Variants in GRIN2A observed in about 807,000 individuals in gnomAD.
GRIN2A encodes the protein glutamate ionotropic receptor NMDA type subunit 2A, also known as glutamate receptor ionotropic, NMDA 2A.
A neutral mutation model predicts 113.4 loss-of-function variants in GRIN2A; 22 were observed. The ratio of observed to expected loss-of-function variants is 0.19; its 90% CI spans 0.14 to 0.28. GRIN2A has a LOEUF of 0.28. Among genes scored for constraint, GRIN2A ranks in the 10% least tolerant of loss-of-function variants. GRIN2A has a pLI of 1.00. For missense variants in GRIN2A, 1,502 were observed against 1,887.0 expected, an observed-to-expected ratio of 0.80 and a Z score of 3.78; for synonymous variants, 827 against 738.4, an observed-to-expected ratio of 1.12 and a Z score of -1.94.
At chr16:10,070,039 T>C (rs1226879395) in intron 2 of GRIN2A, among the ~76,000 whole-genome samples, 1 of 152,136 alleles carries the variant, frequency 6.6e-6, no homozygotes, top group African/African-American at 2.4e-5. Flanking sequence ...ATGACAATGT[T>C]CCCCACTCCA....
chr16:9,809,445 T>C (rs1596448344), intron 10 of GRIN2A, among the ~76,000 whole-genome samples: 1 of 151,682 alleles, frequency 6.6e-6, no homozygotes, highest in Admixed American at 6.6e-5. Flanking sequence ...AACAAAAACA[T>C]ATGCAAATGC....
At chr16:10,077,908 G>A (rs529868339) in intron 2 of GRIN2A, among the ~76,000 whole-genome samples, 38 of 152,168 alleles carry the variant, frequency 2.5e-4, no homozygotes, top group African/African-American at 8.9e-4. Flanking sequence ...TATCTCTGAC[G>A]TTTCTTGTCT....
At chr16:9,912,810 G>A (rs1017182417) in intron 3 of GRIN2A, among the ~76,000 whole-genome samples, 2 of 152,232 alleles carry the variant, frequency 1.3e-5, no homozygotes, top group African/African-American at 4.8e-5. Flanking sequence ...AATGATCTGA[G>A]CCAAGGAACA....
chr16:10,080,809 A>G (rs1425686257), intron 2 of GRIN2A, among the ~76,000 whole-genome samples: 1 of 152,160 alleles, frequency 6.6e-6, no homozygotes, highest in Non-Finnish European at 1.5e-5. Flanking sequence ...GCCCTGTCAT[A>G]TGACTGTCCC....
chr16:9,833,612 A>G (rs185771814), intron 8 of GRIN2A, among the ~76,000 whole-genome samples: 1 of 152,288 alleles, frequency 6.6e-6, no homozygotes, highest in Admixed American at 6.5e-5. Context: ...AAAATATTTC[A>G]TTTTGTTTTA....
At chr16:10,156,426 G>A (rs2049695437) in intron 2 of GRIN2A, among the ~76,000 whole-genome samples, 1 of 152,264 alleles carries the variant, frequency 6.6e-6, no homozygotes, top group South Asian at 2.1e-4. Context: ...GTTTGACAGA[G>A]GCAGTGTGGC....
chr16:9,834,112 T>C lies in GRIN2A; in HGVS notation c.1770A>G (p.Lys590=). The C allele has an allele frequency of 1.9e-6, 3 of 1,613,674 alleles. No individual in the cohort carries two copies. Among genetic ancestry groups the C allele is most frequent in the Non-Finnish European group, 2.5e-6 (3 of 1,179,540 alleles). The change falls in exon 8 of 13, where the codon AAA becomes AAG. Residue 590 remains lysine, a synonymous_variant. Transcript: ENST00000330684. ...TCATGAAGGTACCCTTACCTTTCCC[T>C]TTGGCTAAGTTTCTGTTGTATCCAA... is the stretch of plus-strand genomic sequence containing the variant. ...SPVGYNRNLA[K]GKAPHGPSFT...
At chr16:9,809,920 T>C (rs2042054259) in intron 10 of GRIN2A, among the ~76,000 whole-genome samples, 1 of 152,014 alleles carries the variant, frequency 6.6e-6, no homozygotes, top group African/African-American at 2.4e-5. Flanking sequence ...GTACAAAAAT[T>C]AGCTGGGCAT....
intron 2 of GRIN2A, among the ~76,000 whole-genome samples, chr16:10,078,077 G>A (rs1437824791): frequency 3.9e-5 from 6 of 152,204 alleles, no homozygotes. Context: ...ACAGGTATAT[G>A]CCTACATCAG....
At chr16:10,069,132 G>T (rs2047704881) in intron 2 of GRIN2A, among the ~76,000 whole-genome samples, 1 of 152,078 alleles carries the variant, frequency 6.6e-6, no homozygotes, top group African/African-American at 2.4e-5. Flanking sequence ...AATTTACCCT[G>T]GCTGCAAAGG....
chr16:10,012,353 T>G (rs2046522265), intron 2 of GRIN2A, among the ~76,000 whole-genome samples: 1 of 152,192 alleles, frequency 6.6e-6, no homozygotes, highest in Admixed American at 6.5e-5. Flanking sequence ...CTCAAAGGGT[T>G]GTATTAATGC....
intron 2 of GRIN2A, among the ~76,000 whole-genome samples, chr16:10,011,532 A>G (rs2046505356): frequency 6.6e-6 from 1 of 152,202 alleles, no homozygotes; most frequent in Non-Finnish European, 1.5e-5. Context: ...ACACAGGAGG[A>G]AAAACACAAG....
chr16:10,098,933 T>G (rs1188885288), intron 2 of GRIN2A, among the ~76,000 whole-genome samples: 2 of 106,222 alleles, frequency 1.9e-5, no homozygotes, highest in South Asian at 3.3e-4. Context: ...CTGTCCCCCC[T>G]CCCCCCCCCA....
intron 4 of GRIN2A, among the ~76,000 whole-genome samples, chr16:9,853,497 C>T (rs1261461248): frequency 6.6e-6 from 1 of 152,184 alleles, no homozygotes; most frequent in African/African-American, 2.4e-5. Flanking sequence ...TCACCAGACG[C>T]TAAATCTGCT....
intron 2 of GRIN2A, among the ~76,000 whole-genome samples, chr16:10,083,548 A>T (rs192349830): frequency 6.6e-6 from 1 of 152,076 alleles, no homozygotes; most frequent in African/African-American, 2.4e-5. Flanking sequence ...ACCTCTCTCT[A>T]CCCTCTTCCC....
intron 2 of GRIN2A, among the ~76,000 whole-genome samples, chr16:9,960,427 T>C (rs1206573439): frequency 6.6e-6 from 1 of 152,202 alleles, no homozygotes; most frequent in Admixed American, 6.5e-5. Context: ...TGCCTTTACA[T>C]TTTCTTGCTT....
chr16:10,088,492 T>C (rs4780792), intron 2 of GRIN2A, among the ~76,000 whole-genome samples: 142,172 of 152,242 alleles, frequency 0.93, 67,156 homozygotes, highest in East Asian at 1. Flanking sequence ...ATACCCACCC[T>C]AGACCTGCGG....
chr16:10,182,414 T>C lies in GRIN2A; in HGVS notation c.-556A>G, dbSNP rs1596589878. The C allele has an allele frequency of 6.7e-6, 1 of 149,128 alleles. No individual in the cohort carries two copies. Among genetic ancestry groups the C allele is most frequent in the Non-Finnish European group, 1.5e-5 (1 of 67,074 alleles). 9.2% of individuals were successfully genotyped at this position (149,128 alleles called of 1,614,324 possible). On this transcript the variant is annotated 5_prime_UTR_variant, in exon 1 of 13. Transcript: ENST00000330684. Reference sequence around the variant, plus strand: ...ACCGGGAGCTGCTGAGCGAGGGAGGTAGGGAGAGAAAGAGGAGGTAACGAG... The same window carrying C: ...ACCGGGAGCTGCTGAGCGAGGGAGGCAGGGAGAGAAAGAGGAGGTAACGAG...
intron 2 of GRIN2A, among the ~76,000 whole-genome samples, chr16:10,114,732 G>C (rs2048695086): frequency 6.6e-6 from 1 of 152,188 alleles, no homozygotes; most frequent in African/African-American, 2.4e-5. Context: ...AAAAGCTAGT[G>C]ATCTAATAAC....
Sources: gnomAD v4.1 joint callset for allele counts (sites outside exome capture counted in the v4.1 genomes callset) on GRCh38, gnomAD v4.1.1 for gene constraint, MANE v1.5 for transcripts, NCBI Gene and HGNC (gene_info 2026-07-23, HGNC 2026-07-21) for gene names.